The following SPRY3 variants were observed in gnomAD, a reference collection of about 807,000 sequenced individuals.
SPRY3 encodes the protein protein sprouty homolog 3.
A neutral mutation model predicts 20.2 loss-of-function variants in SPRY3; 15 were observed. The ratio of observed to expected loss-of-function variants is 0.74; its 90% CI spans 0.50 to 1.14. The LOEUF (loss-of-function observed/expected upper bound fraction) is 1.14. Ranked by LOEUF, SPRY3 falls within the 50% of genes most tolerant of loss-of-function variation. The pLI is 0.00. For missense variants in SPRY3, 364 were observed against 363.9 expected, an observed-to-expected ratio of 1.00 and a Z score of 0.00; for synonymous variants, 143 against 136.5, an observed-to-expected ratio of 1.05 and a Z score of -0.33.
intron 1 of SPRY3, among the ~76,000 whole-genome samples, chrX:155,627,418 G>T (rs1323803695): frequency 9.0e-6 from 1 of 111,488 alleles, no homozygotes; most frequent in Non-Finnish European, 1.9e-5. Flanking sequence ...CCTTTTTTAT[G>T]GCTAAATAAT....
Position 155,689,860 on chromosome X carries a change from C to T in SPRY3, c.-282+32835C>T, listed in dbSNP as rs1462629978. 2.3e-5 allele frequency among the ~76,000 whole-genome samples: 2 copies of T among 86,573 alleles called. 1 individual carries two copies. The highest frequency in any genetic ancestry group is 4.3e-5 in the Non-Finnish European group (2 of 46,633). 75.2% of individuals were successfully genotyped at this position (86,573 alleles called of 115,157 possible). A position where few individuals can be genotyped will look rare whatever the true frequency, so the allele number is the denominator to read the frequency against. On this transcript the variant is annotated intron_variant, in intron 2 of 3. Transcript: ENST00000675360. The stretch of plus-strand genomic sequence containing the variant: ...TTGGTTATTTCTTATTTTCTGCTAG[C>T]CTTGGGGTTGGTTTGCTCTTGGTTC...
At chrX:155,766,085 C>A (rs1327516465) in intron 2 of SPRY3, among the ~76,000 whole-genome samples, 4 of 152,124 alleles carry the variant, frequency 2.6e-5, no homozygotes, top group Non-Finnish European at 5.9e-5. Context: ...CTAGAAATTC[C>A]AAATGGGAAA....
At chrX:155,746,479 C>T (rs1201531654) in intron 2 of SPRY3, among the ~76,000 whole-genome samples, 4 of 151,888 alleles carry the variant, frequency 2.6e-5, no homozygotes, top group Admixed American at 6.6e-5. Context: ...TCATCTTGCC[C>T]TCAATTAAAT....
At chrX:155,627,531 A>G (rs782202912) in intron 1 of SPRY3, among the ~76,000 whole-genome samples, 5 of 112,132 alleles carry the variant, frequency 4.5e-5, no homozygotes, top group African/African-American at 1.6e-4. Context: ...TATCTTGGCT[A>G]TTGTGAATAG....
chrX:155,708,414 T>G (rs1355801937), intron 2 of SPRY3, among the ~76,000 whole-genome samples: 1 of 151,306 alleles, frequency 6.6e-6, no homozygotes, highest in Non-Finnish European at 1.5e-5. Context: ...ACATGATGAG[T>G]TATCTCCTGC....
chrX:155,773,791 A>G lies in SPRY3; in HGVS notation c.-81A>G. ...GATTTTCTCATGTGCCCTGAAATCCATGTAACTACAAGGGCTCCTCTTTAT... is the reference window on the plus strand; with the variant it reads ...GATTTTCTCATGTGCCCTGAAATCCGTGTAACTACAAGGGCTCCTCTTTAT... On this transcript the variant is annotated 5_prime_UTR_variant, in exon 4 of 4. An upstream start codon of the reference 5' UTR is lost. Transcript: ENST00000675360. 1 of 1,489,272 alleles carries G rather than the reference A, an allele frequency of 6.7e-7. No individual in the cohort carries two copies. Among genetic ancestry groups the G allele is most frequent in the East Asian group, 2.3e-5 (1 of 44,128 alleles). 92.3% of individuals were successfully genotyped at this position (1,489,272 alleles called of 1,614,324 possible).
At chrX:155,745,048 A>G (rs1249576864) in intron 2 of SPRY3, among the ~76,000 whole-genome samples, 1 of 152,098 alleles carries the variant, frequency 6.6e-6, no homozygotes, top group Non-Finnish European at 1.5e-5. Flanking sequence ...TTCAATTCCT[A>G]GTCTCATTTT....
chrX:155,719,514 C>A (rs2091042664), intron 2 of SPRY3, among the ~76,000 whole-genome samples: 1 of 151,984 alleles, frequency 6.6e-6, no homozygotes, highest in Admixed American at 6.6e-5. Context: ...TATCACCCCT[C>A]CCCTAACCCC....
At chrX:155,660,501 G>C (rs1239837367) in intron 2 of SPRY3, among the ~76,000 whole-genome samples, 3 of 111,777 alleles carry the variant, frequency 2.7e-5, no homozygotes, top group African/African-American at 9.7e-5. Flanking sequence ...TACTGCTGTT[G>C]TTAGGTGGAA....
chrX:155,711,875 A>G (rs189914090), intron 2 of SPRY3, among the ~76,000 whole-genome samples: 2 of 151,506 alleles, frequency 1.3e-5, no homozygotes, highest in East Asian at 1.9e-4. Context: ...CTTTTGCTGT[A>G]TCCCTTAGGT....
chrX:155,774,468 C>T (rs2091408113), exon 4 of SPRY3: 2 of 1,613,890 alleles, frequency 1.2e-6, no homozygotes, highest in South Asian at 1.1e-5. Flanking sequence ...ACCACTGCTC[C>T]ACTGATGATG....
Position 155,730,816 on chromosome X carries a change from T to G in SPRY3, c.-281-37146T>G, listed in dbSNP as rs181126469. On this transcript the variant is annotated intron_variant, in intron 2 of 3. Coordinates refer to ENST00000675360, the Ensembl canonical transcript of SPRY3. The stretch of plus-strand genomic sequence containing the variant: ...ACTGATCAAACAAATTCAGTAACAT[T>G]GCAGGATACAAAATCAAGATACAAA... 3.8e-3 allele frequency among the ~76,000 whole-genome samples: 584 copies of G among 152,174 alleles called. 1 individual carries two copies. Among genetic ancestry groups the G allele is most frequent in the African/African-American group, 0.013 (552 of 41,512 alleles).
chrX:155,730,838 C>T (rs1171525381), intron 2 of SPRY3, among the ~76,000 whole-genome samples: 1 of 151,942 alleles, frequency 6.6e-6, no homozygotes, highest in Non-Finnish European at 1.5e-5. Flanking sequence ...AATCAAGATA[C>T]AAAAATCAGT....
chrX:155,681,195 G>A (rs765544871), intron 2 of SPRY3, among the ~76,000 whole-genome samples: 1 of 111,357 alleles, frequency 9.0e-6, no homozygotes, highest in South Asian at 3.8e-4. Context: ...GAGTCATGGG[G>A]GCGGTTTCCC....
intron 1 of SPRY3, among the ~76,000 whole-genome samples, chrX:155,636,610 A>G (rs1484323016): frequency 9.0e-6 from 1 of 111,097 alleles, no homozygotes; most frequent in African/African-American, 3.3e-5. Flanking sequence ...CGTATTATAT[A>G]TAAACTGTAT....
intron 1 of SPRY3, among the ~76,000 whole-genome samples, chrX:155,645,780 A>G (rs782116376): frequency 8.9e-6 from 1 of 111,940 alleles, no homozygotes; most frequent in African/African-American, 3.2e-5. Context: ...AGTTAAAGGC[A>G]AGTACTCTGA....
At chrX:155,677,155 A>C (rs763962118) in intron 2 of SPRY3, among the ~76,000 whole-genome samples, 1 of 112,196 alleles carries the variant, frequency 8.9e-6, no homozygotes. Context: ...AACCATAAAT[A>C]AAGTTATCAG....
chrX:155,722,685 C>T (rs1053512112), intron 2 of SPRY3, among the ~76,000 whole-genome samples: 1 of 151,924 alleles, frequency 6.6e-6, no homozygotes, highest in African/African-American at 2.4e-5. Context: ...TCAAACATAA[C>T]ATTGAAAATA....
chrX:155,737,563 G>A (rs2091177340), intron 2 of SPRY3, among the ~76,000 whole-genome samples: 1 of 152,134 alleles, frequency 6.6e-6, no homozygotes, highest in South Asian at 2.1e-4. Flanking sequence ...TATGATCAAG[G>A]TGAGACCTAA....
Sources: allele counts gnomAD v4.1 joint callset (sites outside exome capture counted in the v4.1 genomes callset), GRCh38; gene constraint gnomAD v4.1.1; transcripts MANE v1.5; gene names NCBI Gene and HGNC (gene_info 2026-07-23, HGNC 2026-07-21).